TGFB3: variants seen among roughly 807,000 people sequenced by gnomAD.
TGFB3 encodes the protein transforming growth factor beta 3, also known as transforming growth factor beta-3 proprotein.
A neutral mutation model predicts 40.1 loss-of-function variants in TGFB3; 5 were observed. That is an observed-to-expected ratio of 0.12 (90% CI 0.07 to 0.26). The LOEUF (loss-of-function observed/expected upper bound fraction) is 0.26. TGFB3 is among the 10% of genes least tolerant of loss of function. The pLI is 1.00. For missense variants in TGFB3, 373 were observed against 530.1 expected (o/e 0.70, Z 2.91); for synonymous variants, 184 against 205.6 (o/e 0.89, Z 0.90).
At chr14:75,963,168 T>C in intron 5 of TGFB3, 148 bp downstream of exon 5, 1 of 877,792 alleles carries the variant, frequency 1.1e-6, no homozygotes, top group South Asian at 1.4e-5. Context: ...AGAAAATCTC[T>C]GTGAGAGATT....
chr14:75,958,750 C>T lies in TGFB3; in HGVS notation c.*437G>A, dbSNP rs2035116855. ...TGCCTTGTATAACATAATCCAGATT[C>T]CCTAGAGCAGATGTGGTACAGCAAT... On this transcript the variant is annotated 3_prime_UTR_variant, in exon 7 of 7. Transcript: ENST00000238682. 1 of 271,788 alleles carries T rather than the reference C, an allele frequency of 3.7e-6. No homozygotes were observed. Among genetic ancestry groups the T allele is most frequent in the Non-Finnish European group, 7.3e-6 (1 of 137,644 alleles). 16.8% of individuals were successfully genotyped at this position (271,788 alleles called of 1,614,324 possible).
rs1247805164 is a variant in TGFB3 at position 75,979,699 on chromosome 14, C to CG, written c.352+842_352+843insC. ...GGACGGCAGGCTCCCAGACATATCCCCCCCCCCCACCATGCACCCACTGCC... is the reference window on the plus strand; with the variant it reads ...GGACGGCAGGCTCCCAGACATATCCCGCCCCCCCCACCATGCACCCACTGCC... On this transcript the variant is annotated intron_variant, in intron 1 of 6. Coordinates refer to ENST00000238682, the MANE Select transcript of TGFB3 (RefSeq NM_003239.5). The surrounding 1 kb of genome is among the most constrained non-coding windows in gnomAD (Gnocchi z 4.8). Among the ~76,000 whole-genome samples, 2 of 149,880 alleles carry CG rather than the reference C, an allele frequency of 1.3e-5. No individual in the cohort carries two copies. Among genetic ancestry groups the CG allele is most frequent in the African/African-American group, 4.9e-5 (2 of 40,692 alleles).
chr14:75,980,904 G>A lies in TGFB3; in HGVS notation c.-11C>T. 6.2e-7 allele frequency: 1 copy of A among 1,613,090 alleles called. No homozygotes were observed. On this transcript the variant is annotated 5_prime_UTR_variant, in exon 1 of 7. Transcript: ENST00000238682. This position sits in a 1 kb window ranked among gnomAD's most constrained non-coding sequence, Gnocchi z 4.3. ...CAAGTGCATCTTCATGTGTGAGCTG[G>A]GAAGAGAGGCCAGGGGGACGGCAAG...
intron 1 of TGFB3, among the ~76,000 whole-genome samples, chr14:75,974,601 C>T (rs1403898201): frequency 2.0e-5 from 3 of 151,680 alleles, no homozygotes; most frequent in Non-Finnish European, 4.4e-5. Flanking sequence ...CCCGTCTCTA[C>T]TAAAAATACA....
In TGFB3 at chr14:75,966,035, A is replaced by G. The variant is rs184464176; in HGVS notation, c.647-340T>C. 3.3e-5 allele frequency: 12 copies of G among 364,448 alleles called. No homozygotes were observed. The East Asian group carries it at 8.2e-4, about 25-fold the overall frequency. The allele number at this position is 364,448 out of a possible 1,614,324, so 22.6% of individuals were successfully genotyped here. ...CCTACTTGGAGGCAAAAGTACACAG[A>G]TACAGTAAGGAAAGCAAAAACTCAT... On this transcript the variant is annotated intron_variant, in intron 3 of 6. Transcript: ENST00000238682.
At position 75,971,709 on chromosome 14, in the gene TGFB3, G is replaced by A; in HGVS notation, c.362C>T (p.Ala121Val). The A allele has an allele frequency of 6.2e-7, 1 of 1,614,230 alleles. No individual in the cohort carries two copies. The highest frequency in any genetic ancestry group is 8.5e-7 in the Non-Finnish European group (1 of 1,180,036). Residue 121 changes from alanine (A) to valine (V), a missense_variant, in exon 2 of 7, where the codon GCT becomes GTT. Coordinates refer to ENST00000238682, the MANE Select transcript of TGFB3 (RefSeq NM_003239.5). The surrounding 1 kb of genome is among the most constrained non-coding windows in gnomAD (Gnocchi z 4.5). Reference sequence around the variant, plus strand: ...GGAGGTAATTCCTTTAGGGCAGACAGCCAGTTCGTCTAGGAGATAAAGCAG... The same window carrying A: ...GGAGGTAATTCCTTTAGGGCAGACAACCAGTTCGTCTAGGAGATAAAGCAG... Reference protein sequence around the residue: ...IQGLAEHNELAVCPKGITSKV... With the variant: ...IQGLAEHNELVVCPKGITSKV...
rs1228776459 is a variant in TGFB3 at position 75,970,323 on chromosome 14, CA to C, written c.646+802del. Among the ~76,000 whole-genome samples, 4 of 152,052 alleles carry C rather than the reference CA, an allele frequency of 2.6e-5. No homozygotes were observed. The East Asian group carries it at 5.8e-4, about 22-fold the overall frequency. The stretch of plus-strand genomic sequence containing the variant: ...CTATAATCCCAGCACTTTTGGAAGC[CA>C]AAGTGGGCGGATCACTTGAGGTCAG... On this transcript the variant is annotated intron_variant, in intron 3 of 6. Transcript: ENST00000238682.
At chr14:75,965,356 T>C (rs978928249) in intron 4 of TGFB3, among the ~76,000 whole-genome samples, 2 of 152,232 alleles carry the variant, frequency 1.3e-5, no homozygotes, top group African/African-American at 4.8e-5. Flanking sequence ...GTTTCACCAC[T>C]TACCAGTACG....
intron 4 of TGFB3, among the ~76,000 whole-genome samples, chr14:75,965,333 G>T (rs1226458116): frequency 6.6e-6 from 1 of 152,216 alleles, no homozygotes; most frequent in African/African-American, 2.4e-5. Flanking sequence ...AGGCTAGATG[G>T]CTTGCCTACA....
At position 75,979,022 on chromosome 14, in the gene TGFB3, T is replaced by A. The variant is rs2035388844; in HGVS notation, c.352+1520A>T. On this transcript the variant is annotated intron_variant, in intron 1 of 6. Coordinates refer to ENST00000238682, the MANE Select transcript of TGFB3 (RefSeq NM_003239.5). This position sits in a 1 kb window ranked among gnomAD's most constrained non-coding sequence, Gnocchi z 4.8. Reference sequence around the variant, plus strand: ...GGAGTTGGAGCCTTGGCCATCGAGCTGCTAGGTGCCTCTGGGAACTGTGGG... The same window carrying A: ...GGAGTTGGAGCCTTGGCCATCGAGCAGCTAGGTGCCTCTGGGAACTGTGGG... 6.6e-6 allele frequency among the ~76,000 whole-genome samples: 1 copy of A among 152,158 alleles called. No individual in the cohort carries two copies. Among genetic ancestry groups the A allele is most frequent in the African/African-American group, 2.4e-5 (1 of 41,442 alleles).
At chr14:75,965,921 A>G in intron 3 of TGFB3, 1 of 561,392 alleles carries the variant, frequency 1.8e-6, no homozygotes, top group Admixed American at 2.9e-5. Flanking sequence ...GAATCACCAA[A>G]TGGGGGCATA....
intron 3 of TGFB3, among the ~76,000 whole-genome samples, chr14:75,969,232 C>A (rs545626081): frequency 6.6e-6 from 1 of 152,284 alleles, no homozygotes; most frequent in South Asian, 2.1e-4. Context: ...GAAGGATCCA[C>A]CTGCCTCAGG....
At position 75,965,686 on chromosome 14, in the gene TGFB3, A is replaced by G; in HGVS notation, c.656T>C (p.Leu219Ser). 1 of 1,613,962 alleles carries G rather than the reference A, an allele frequency of 6.2e-7. No homozygotes were observed. The highest frequency in any genetic ancestry group is 8.5e-7 in the Non-Finnish European group (1 of 1,179,818). ...REWLLRRESN[L>S]GLEISIHCPC... ...ACAGTGAATGCTGATTTCTAGACCT[A>G]AGTTGGACTCTGCAAAATAAGACAG... Residue 219 changes from leucine (L) to serine (S), a missense_variant, in exon 4 of 7, where the codon TTA becomes TCA. By Grantham distance (145) the Leu-to-Ser change is moderately radical. Transcript: ENST00000238682.
At chr14:75,966,979 C>G (rs924612687) in intron 3 of TGFB3, among the ~76,000 whole-genome samples, 1 of 152,164 alleles carries the variant, frequency 6.6e-6, no homozygotes, top group African/African-American at 2.4e-5. Flanking sequence ...GGGTCAGCCT[C>G]TCGATGAGTT....
At position 75,981,635 on chromosome 14, in the gene TGFB3, A is replaced by G. The variant is rs2035435473; in HGVS notation, c.-742T>C. ...TTCATTGGCTGGGGTGTGGGGTTATATGCATTGGAAGGCAGGGAGGCAGGC... is the reference window on the plus strand; with the variant it reads ...TTCATTGGCTGGGGTGTGGGGTTATGTGCATTGGAAGGCAGGGAGGCAGGC... On this transcript the variant is annotated 5_prime_UTR_variant, in exon 1 of 7. Coordinates refer to ENST00000238682, the MANE Select transcript of TGFB3 (RefSeq NM_003239.5). This position sits in a 1 kb window ranked among gnomAD's most constrained non-coding sequence, Gnocchi z 4.7. 6.5e-6 allele frequency: 1 copy of G among 153,760 alleles called. No homozygotes were observed. The highest frequency in any genetic ancestry group is 1.4e-5 in the Non-Finnish European group (1 of 69,006). The allele number at this position is 153,760 out of a possible 1,614,324, so 9.5% of individuals were successfully genotyped here. A position where few individuals can be genotyped will look rare whatever the true frequency, so the allele number is the denominator to read the frequency against.
chr14:75,965,786 G>T lies in TGFB3; in HGVS notation c.647-91C>A, dbSNP rs1329875294. 4.8e-6 allele frequency: 5 copies of T among 1,045,840 alleles called. No individual in the cohort carries two copies. In the Admixed American group the frequency reaches 6.8e-5, roughly 14 times the overall value. The allele number at this position is 1,045,840 out of a possible 1,614,324, so 64.8% of individuals were successfully genotyped here. On this transcript the variant is annotated intron_variant, in intron 3 of 6. Coordinates refer to ENST00000238682, the MANE Select transcript of TGFB3 (RefSeq NM_003239.5). ...CATGCAAGGGTGAGCCAGGGCCTCT[G>T]CTCCTATAGGGACTCATAGGAACTG...
At position 75,958,309 on chromosome 14, in the gene TGFB3, A is replaced by G. The variant is rs2035110885; in HGVS notation, c.*878T>C. On this transcript the variant is annotated 3_prime_UTR_variant, in exon 7 of 7. Transcript: ENST00000238682. ...CTCACATGTTGTAGCACCTGCTTCCAGGAACACCAAATGAACACAGGGTCT... is the reference window on the plus strand; with the variant it reads ...CTCACATGTTGTAGCACCTGCTTCCGGGAACACCAAATGAACACAGGGTCT... 1.3e-5 allele frequency: 2 copies of G among 152,746 alleles called. No individual in the cohort carries two copies. The allele number at this position is 152,746 out of a possible 1,614,324, so 9.5% of individuals were successfully genotyped here.
At chr14:75,961,640 A>G (rs1226524925) in intron 5 of TGFB3, among the ~76,000 whole-genome samples, 3 of 152,196 alleles carry the variant, frequency 2.0e-5, no homozygotes, top group African/African-American at 2.4e-5. Context: ...TCATTTGGCA[A>G]TAATACCGCT....
In TGFB3 at chr14:75,980,586, T is replaced by C; in HGVS notation, c.308A>G (p.Lys103Arg). The change falls in exon 1 of 7, where the codon AAA becomes AGA. Residue 103 changes from lysine (K) to arginine (R), a missense_variant. Transcript: ENST00000238682. This position sits in a 1 kb window ranked among gnomAD's most constrained non-coding sequence, Gnocchi z 4.3. ...GATCATGTCGAATTTATGGATTTCT[T>C]TGGCATAGTATTCCGACTCGGTGTT... Reference protein sequence around the residue: ...QENTESEYYAKEIHKFDMIQG... With the variant: ...QENTESEYYAREIHKFDMIQG... The C allele has an allele frequency of 6.2e-7, 1 of 1,614,250 alleles. No homozygotes were observed. The highest frequency in any genetic ancestry group is 1.1e-5 in the South Asian group (1 of 91,086).
Sources: allele counts gnomAD v4.1 joint callset (sites outside exome capture counted in the v4.1 genomes callset), GRCh38; gene constraint gnomAD v4.1.1; non-coding constraint Gnocchi (gnomAD v3.1); transcripts MANE v1.5; gene names NCBI Gene and HGNC (gene_info 2026-07-23, HGNC 2026-07-21).